The following TTBK2 variants were observed in gnomAD, a reference collection of about 807,000 sequenced individuals.
TTBK2 encodes tau tubulin kinase 2, also known as tau-tubulin kinase 2.
TTBK2 carries 28 observed loss-of-function variants against 110.8 expected under a neutral mutation model. That is an observed-to-expected ratio of 0.25 (90% CI 0.19 to 0.35). The LOEUF is 0.35. Among genes scored for constraint, TTBK2 ranks in the 10% least tolerant of loss-of-function variants. TTBK2 has a pLI of 1.00. For synonymous variants in TTBK2, 532 were observed against 527.3 expected (o/e 1.01, Z -0.12); for missense variants, 1,369 against 1,500.3 (o/e 0.91, Z 1.45).
chr15:42,800,761 G>GA lies in TTBK2; in HGVS notation c.823-5961dup, dbSNP rs541636688. On this transcript the variant is annotated intron_variant, in intron 9 of 14. Transcript: ENST00000267890. ...CAGAGCTAGCCGAGGTTTATTTTGG[G>GA]AAAAAAAAAAAAAAGCAATTGAATT... Among the ~76,000 whole-genome samples the GA allele has an allele frequency of 2.0e-3, 276 of 136,274 alleles. 1 individual carries two copies. The highest frequency in any genetic ancestry group is 4.8e-3 in the African/African-American group (180 of 37,276). The allele number at this position is 136,274 out of a possible 152,430, so 89.4% of individuals were successfully genotyped here. A position where few individuals can be genotyped will look rare whatever the true frequency, so the allele number is the denominator to read the frequency against.
intron 1 of TTBK2, among the ~76,000 whole-genome samples, chr15:42,886,469 G>A (rs1368440693): frequency 6.6e-6 from 1 of 152,204 alleles, no homozygotes; most frequent in African/African-American, 2.4e-5. Flanking sequence ...ACCCAGGCCA[G>A]TTCATGGCCC....
Position 42,741,301 on chromosome 15 carries a change from C to T in TTBK2, c.*4494G>A, listed in dbSNP as rs1228871766. ...CCGCCATATGGGCTGATGGTTGGAACTGCCTTTAGTTCTCTAAGTAAAGGT... is the reference window on the plus strand; with the variant it reads ...CCGCCATATGGGCTGATGGTTGGAATTGCCTTTAGTTCTCTAAGTAAAGGT... On this transcript the variant is annotated 3_prime_UTR_variant, in exon 15 of 15. Coordinates refer to ENST00000267890, the MANE Select transcript of TTBK2 (RefSeq NM_173500.4). The T allele has an allele frequency of 6.6e-6, 1 of 152,238 alleles. No individual in the cohort carries two copies. The highest frequency in any genetic ancestry group is 2.4e-5 in the African/African-American group (1 of 41,460). The allele number at this position is 152,238 out of a possible 1,614,324, so 9.4% of individuals were successfully genotyped here.
intron 14 of TTBK2, among the ~76,000 whole-genome samples, chr15:42,747,071 C>T (rs1330707432): frequency 6.6e-6 from 1 of 151,666 alleles, no homozygotes; most frequent in Non-Finnish European, 1.5e-5. Context: ...CTCATGCAAT[C>T]CTCCCACCTC....
At position 42,783,490 on chromosome 15, in the gene TTBK2, G is replaced by C. The variant is rs759216076; in HGVS notation, c.1126C>G (p.Arg376Gly). ...TCCCAAACATCCTTCTCCTGGGGAC[G>C]GGGGTGTCCCAGAGATCCAGGCAAT... ...DKLPGSLGHPRPQEKDVWEEM... is the reference protein window; with the variant it reads ...DKLPGSLGHPGPQEKDVWEEM... The change falls in exon 11 of 15, where the codon CGT becomes GGT. Residue 376 changes from arginine (R) to glycine (G), a missense_variant. Coordinates refer to ENST00000267890, the MANE Select transcript of TTBK2 (RefSeq NM_173500.4). 8 of 1,614,048 alleles carry C rather than the reference G, an allele frequency of 5.0e-6. No individual in the cohort carries two copies. The Admixed American group carries it at 8.3e-5, about 17-fold the overall frequency.
At chr15:42,855,502 G>T (rs1290969477) in intron 3 of TTBK2, among the ~76,000 whole-genome samples, 3 of 152,086 alleles carry the variant, frequency 2.0e-5, no homozygotes, top group Non-Finnish European at 4.4e-5. Context: ...TATACAAGAA[G>T]AACACAGAAG....
chr15:42,893,434 T>G (rs1192668494), intron 1 of TTBK2, among the ~76,000 whole-genome samples: 1 of 152,090 alleles, frequency 6.6e-6, no homozygotes, highest in Admixed American at 6.6e-5. Flanking sequence ...AGGTTGAGGC[T>G]CCAATGAGGT....
At chr15:42,748,781 C>T (rs2061828784) in intron 14 of TTBK2, among the ~76,000 whole-genome samples, 1 of 152,188 alleles carries the variant, frequency 6.6e-6, no homozygotes, top group South Asian at 2.1e-4. Flanking sequence ...TATAAACATT[C>T]TGTGGTCAAA....
intron 5 of TTBK2, 36 bp from the exon 6 acceptor site, chr15:42,828,068 A>T (rs1308478913): frequency 1.4e-6 from 2 of 1,462,844 alleles, no homozygotes. Flanking sequence ...ATACATTCTT[A>T]TAATACTTAG....
chr15:42,810,618 T>C lies in TTBK2; in HGVS notation c.818A>G (p.Tyr273Cys). The stretch of plus-strand genomic sequence containing the variant: ...AGAACTCACAAAGATGGTTACCTGG[T>C]AGTCTGGTTTTGTAAAATAATCCAA... ...SSLDYFTKPD[Y>C]QLLTSVFDNS... Residue 273 changes from tyrosine to cysteine, a missense_variant, in exon 9 of 15, where the codon TAC becomes TGC. By Grantham distance (194) the Tyr-to-Cys change is radical (BLOSUM62 -2). This residue lies in a region of TTBK2 where 138 missense variants were observed against 179.0 expected (regional missense o/e 0.77). Transcript: ENST00000267890. 1 of 1,613,816 alleles carries C rather than the reference T, an allele frequency of 6.2e-7. No individual in the cohort carries two copies.
intron 13 of TTBK2, among the ~76,000 whole-genome samples, chr15:42,763,228 T>G (rs1889187669): frequency 1.4e-5 from 1 of 70,506 alleles, no homozygotes; most frequent in Admixed American, 1.7e-4. Flanking sequence ...TTTTTTTTTT[T>G]TTTTGAGACA....
At chr15:42,827,792 A>T in intron 6 of TTBK2, 136 bp downstream of exon 6, 1 of 736,656 alleles carries the variant, frequency 1.4e-6, no homozygotes, top group Non-Finnish European at 2.2e-6. Context: ...GTCATTCTAT[A>T]ATTTAATCAT....
chr15:42,827,503 GAT>G (rs1461835892), intron 6 of TTBK2, among the ~76,000 whole-genome samples: 1 of 152,184 alleles, frequency 6.6e-6, no homozygotes, highest in Non-Finnish European at 1.5e-5. Flanking sequence ...AGCCATTATA[GAT>G]ATGTTTTCAG....
intron 3 of TTBK2, among the ~76,000 whole-genome samples, chr15:42,858,114 A>G (rs1301635495): frequency 6.6e-6 from 1 of 151,928 alleles, no homozygotes; most frequent in Non-Finnish European, 1.5e-5. Flanking sequence ...AACAAAACCA[A>G]AGTTAATGGA....
At chr15:42,839,497 G>A (rs765337814) in intron 4 of TTBK2, among the ~76,000 whole-genome samples, 6 of 152,190 alleles carry the variant, frequency 3.9e-5, no homozygotes, top group Non-Finnish European at 8.8e-5. Flanking sequence ...TGGTAGTTCT[G>A]TTTTAAGTCC....
chr15:42,822,470 C>T (rs1056028141), intron 6 of TTBK2, among the ~76,000 whole-genome samples: 1 of 151,794 alleles, frequency 6.6e-6, no homozygotes, highest in African/African-American at 2.4e-5. Context: ...GAAGGGCTGA[C>T]AGAATTACAA....
intron 3 of TTBK2, among the ~76,000 whole-genome samples, chr15:42,856,255 A>T (rs1893936587): frequency 6.6e-6 from 1 of 152,208 alleles, no homozygotes; most frequent in South Asian, 2.1e-4. Context: ...TCTAGATCTA[A>T]TTAGGAGTTC....
chr15:42,807,482 T>C (rs1416236564), intron 9 of TTBK2, among the ~76,000 whole-genome samples: 1 of 152,132 alleles, frequency 6.6e-6, no homozygotes, highest in South Asian at 2.1e-4. Flanking sequence ...GGCACAATTA[T>C]GGCTCACTGC....
At position 42,752,589 on chromosome 15, in the gene TTBK2, C is replaced by A. The variant is rs776320989; in HGVS notation, c.2657G>T (p.Ser886Ile). Residue 886 changes from serine (S) to isoleucine (I), a missense_variant, in exon 14 of 15, where the codon AGT becomes ATT. Transcript: ENST00000267890. The part of the protein sequence containing the change: ...NKISKDDDIM[S>I]EDLPGHQGDL... ...TCCTTGATGACCTGGCAAGTCTTCA[C>A]TCATGATGTCATCATCCTTAGATAT... 42 of 1,614,104 alleles carry A rather than the reference C, an allele frequency of 2.6e-5. No homozygotes were observed. In the South Asian group the frequency reaches 3.8e-4, roughly 15 times the overall value.
rs376947404 is a variant in TTBK2 at position 42,900,680 on chromosome 15, G to C, written c.-68+19758C>G. Among the ~76,000 whole-genome samples the C allele has an allele frequency of 1.9e-4, 29 of 152,122 alleles. No homozygotes were observed. In the East Asian group the frequency reaches 3.5e-3, roughly 18 times the overall value. On this transcript the variant is annotated intron_variant, in intron 1 of 14. Transcript: ENST00000267890. ...GAGGTTGCAGCAGTGAGCCGAGATC[G>C]TGGCACAGCACTCCATGGGAAACAG...
Sources: allele counts gnomAD v4.1 joint callset (sites outside exome capture counted in the v4.1 genomes callset), GRCh38; gene constraint gnomAD v4.1.1; regional missense constraint gnomAD v4.1.1; transcripts MANE v1.5; gene names NCBI Gene and HGNC (gene_info 2026-07-23, HGNC 2026-07-21).